The following NSMCE4A variants were observed in gnomAD, a reference collection of about 807,000 sequenced individuals.
NSMCE4A encodes the protein non-structural maintenance of chromosomes element 4 homolog A.
Under a neutral mutation model 47.9 loss-of-function variants are expected in NSMCE4A, and 40 were observed. The observed-to-expected ratio is 0.83, with a 90% CI of 0.65 to 1.09. The LOEUF (loss-of-function observed/expected upper bound fraction) is 1.09, where lower values mean the gene tolerates loss of function less well. Among genes scored for constraint, NSMCE4A ranks in the 50% least tolerant of loss-of-function variants. The pLI, the probability that NSMCE4A is intolerant of heterozygous loss-of-function variation, is 0.00. For synonymous variants in NSMCE4A, 166 were observed against 178.5 expected (o/e 0.93, Z 0.56); for missense variants, 500 against 507.0 (o/e 0.99, Z 0.13).
chr10:121,961,261 C>T (rs1952492242), intron 7 of NSMCE4A, among the ~76,000 whole-genome samples, 162 bp downstream of exon 7: 1 of 152,134 alleles, frequency 6.6e-6, no homozygotes, highest in African/African-American at 2.4e-5. Flanking sequence ...TTTTAGCTAG[C>T]TTCTTCTACC....
intron 3 of NSMCE4A, among the ~76,000 whole-genome samples, chr10:121,968,365 A>G (rs17102804): frequency 0.13 from 20,386 of 152,272 alleles, 1,580 homozygotes; most frequent in Middle Eastern, 0.18. Context: ...GTGTATTAGT[A>G]AAGCTGCACT....
At chr10:121,971,389 A>G (rs1952708290) in intron 2 of NSMCE4A, among the ~76,000 whole-genome samples, 1 of 152,188 alleles carries the variant, frequency 6.6e-6, no homozygotes, top group Non-Finnish European at 1.5e-5. Context: ...GGGCGCCTGT[A>G]GTCCCAGCTA....
rs1952466883 is a variant in NSMCE4A, at chr10:121,959,879, A to G, written c.989-284T>C. On this transcript the variant is annotated intron_variant, in intron 8 of 10. Coordinates refer to ENST00000369023, the MANE Select transcript of NSMCE4A (RefSeq NM_017615.3). ...TCAACCACAGAGCTAAGCCCTAGTGAGTCCAATAGGACATTGAGAACATTG... is the reference window on the plus strand; with the variant it reads ...TCAACCACAGAGCTAAGCCCTAGTGGGTCCAATAGGACATTGAGAACATTG... The G allele has an allele frequency of 1.3e-5, 6 of 452,156 alleles. No homozygotes were observed. In the East Asian group the frequency reaches 2.6e-4, roughly 19 times the overall value. The allele number at this position is 452,156 out of a possible 1,614,324, so 28.0% of individuals were successfully genotyped here. A position where few individuals can be genotyped will look rare whatever the true frequency, so the allele number is the denominator to read the frequency against.
rs1952484241 is a variant in NSMCE4A at position 121,960,848 on chromosome 10, A to G, written c.940-442T>C. Among the ~76,000 whole-genome samples the G allele has an allele frequency of 6.6e-6, 1 of 152,236 alleles. No homozygotes were observed. Among genetic ancestry groups the G allele is most frequent in the Non-Finnish European group, 1.5e-5 (1 of 68,040 alleles). On this transcript the variant is annotated intron_variant, in intron 7 of 10. Coordinates refer to ENST00000369023, the MANE Select transcript of NSMCE4A (RefSeq NM_017615.3). The surrounding 1 kb of genome is among the most constrained non-coding windows in gnomAD (Gnocchi z 4.2). ...TGGGAATGCAACCTGAAGTAAGATT[A>G]AAGATAGTCTAAAGCAAATTTCCAT... is the stretch of plus-strand genomic sequence containing the variant.
At position 121,960,070 on chromosome 10, in the gene NSMCE4A, A is replaced by G. The variant is rs1162722652; in HGVS notation, c.988+288T>C. On this transcript the variant is annotated intron_variant, in intron 8 of 10. Transcript: ENST00000369023. The surrounding 1 kb of genome is among the most constrained non-coding windows in gnomAD (Gnocchi z 4.2). ...TGACAAAACGTGATTAGAAAGAGGG[A>G]TACTACAAAAATGACTGCAATCACC... 1 of 310,416 alleles carries G rather than the reference A, an allele frequency of 3.2e-6. No homozygotes were observed. Among genetic ancestry groups the G allele is most frequent in the Non-Finnish European group, 5.8e-6 (1 of 172,848 alleles). The allele number at this position is 310,416 out of a possible 1,614,324, so 19.2% of individuals were successfully genotyped here. A position where few individuals can be genotyped will look rare whatever the true frequency, so the allele number is the denominator to read the frequency against.
chr10:121,968,087 G>T (rs7916885), intron 3 of NSMCE4A, among the ~76,000 whole-genome samples: 152,002 of 152,358 alleles, frequency 1, 75,823 homozygotes, highest in Middle Eastern at 1. Context: ...CTGGGTATAC[G>T]TGCCCACAGG....
At chr10:121,970,503 A>C in intron 3 of NSMCE4A, among the ~76,000 whole-genome samples, 1 of 151,410 alleles carries the variant, frequency 6.6e-6, no homozygotes, top group Non-Finnish European at 1.5e-5. Context: ...AAAAAAGCAA[A>C]ACCCAATCAT....
chr10:121,963,100 A>G (rs1301986926), intron 6 of NSMCE4A, 138 bp downstream of exon 6: 1 of 425,454 alleles, frequency 2.4e-6, no homozygotes, highest in African/African-American at 2.0e-5. Flanking sequence ...TGAAATTTCT[A>G]AAGGGGAGAA....
chr10:121,965,977 G>C (rs949036255), intron 4 of NSMCE4A: 4 of 152,198 alleles, frequency 2.6e-5, no homozygotes, highest in African/African-American at 9.7e-5. Context: ...CCCTTGAGGA[G>C]ACAAAAATAT....
At chr10:121,958,238 A>T (rs1037603889) in intron 10 of NSMCE4A, among the ~76,000 whole-genome samples, 4 of 152,108 alleles carry the variant, frequency 2.6e-5, no homozygotes, top group Non-Finnish European at 5.9e-5. Flanking sequence ...TCAAAAAAAA[A>T]GAGAAGTTGG....
intron 7 of NSMCE4A, among the ~76,000 whole-genome samples, 176 bp downstream of exon 7, chr10:121,961,246 TA>T (rs1952492067): frequency 6.6e-6 from 1 of 152,174 alleles, no homozygotes; most frequent in South Asian, 2.1e-4. Flanking sequence ...AGCAAGCATA[TA>T]AAATTTTAGC....
At chr10:121,959,282 A>C (rs1952455029) in intron 10 of NSMCE4A, 42 bp downstream of exon 10, 1 of 1,541,148 alleles carries the variant, frequency 6.5e-7, no homozygotes, top group African/African-American at 1.4e-5. Flanking sequence ...TTGCCAAATG[A>C]ACTTTAATAG....
chr10:121,965,408 T>C, intron 4 of NSMCE4A, 23 bp from the exon 5 acceptor site: 3 of 1,570,850 alleles, frequency 1.9e-6, no homozygotes, highest in Non-Finnish European at 2.6e-6. Flanking sequence ...ATGCTTTCAT[T>C]TATTTTTTTT....
intron 4 of NSMCE4A, chr10:121,966,325 T>C (rs1452115655): frequency 6.6e-6 from 1 of 152,090 alleles, no homozygotes; most frequent in East Asian, 1.9e-4. Flanking sequence ...TGAAAAGGAA[T>C]TGGAGGCCAA....
In NSMCE4A at chr10:121,974,099, A is replaced by G. The variant is rs1288110888; in HGVS notation, c.293-18T>C. ...ACGGTTTTCTATTTTTAAAAATACA[A>G]ACTTTGGGAAATTTGTTCAGCATTC... On this transcript the variant is annotated intron_variant, in intron 1 of 10. Coordinates refer to ENST00000369023, the MANE Select transcript of NSMCE4A (RefSeq NM_017615.3). The G allele has an allele frequency of 1.3e-6, 2 of 1,576,740 alleles. No homozygotes were observed. The highest frequency in any genetic ancestry group is 2.3e-5 in the South Asian group (2 of 87,168).
At chr10:121,961,311 CAT>C (rs1952493126) in intron 7 of NSMCE4A, 110 bp downstream of exon 7, 1 of 622,968 alleles carries the variant, frequency 1.6e-6, no homozygotes, top group Non-Finnish European at 2.7e-6. Flanking sequence ...GGGTCTGAAA[CAT>C]ATACTGGCTA....
chr10:121,960,339 C>T lies in NSMCE4A; in HGVS notation c.988+19G>A. ...ATATTTTCTCTAAAACTAATTTTTC[C>T]AAACATAGTATCATTTACCTATTAC... On this transcript the variant is annotated intron_variant, in intron 8 of 10. Coordinates refer to ENST00000369023, the MANE Select transcript of NSMCE4A (RefSeq NM_017615.3). This position sits in a 1 kb window ranked among gnomAD's most constrained non-coding sequence, Gnocchi z 4.2. 3 of 1,454,062 alleles carry T rather than the reference C, an allele frequency of 2.1e-6. No homozygotes were observed. Among genetic ancestry groups the T allele is most frequent in the South Asian group, 1.5e-5 (1 of 66,548 alleles). The allele number at this position is 1,454,062 out of a possible 1,614,324, so 90.1% of individuals were successfully genotyped here. A position where few individuals can be genotyped will look rare whatever the true frequency, so the allele number is the denominator to read the frequency against.
chr10:121,972,376 A>G (rs151203559), intron 2 of NSMCE4A, among the ~76,000 whole-genome samples: 2,207 of 152,264 alleles, frequency 0.014, 33 homozygotes, highest in Middle Eastern at 0.041. Context: ...CAACCCCCTC[A>G]GCCCCGCTGT....
chr10:121,965,804 G>C (rs1215763228), intron 4 of NSMCE4A: 1 of 160,696 alleles, frequency 6.2e-6, no homozygotes, highest in African/African-American at 2.4e-5. Context: ...CCCAGCCCAG[G>C]ACTACAGAAC....
Sources: gnomAD v4.1 joint callset for allele counts (sites outside exome capture counted in the v4.1 genomes callset) on GRCh38, gnomAD v4.1.1 for gene constraint, Gnocchi (gnomAD v3.1) non-coding constraint, MANE v1.5 for transcripts, NCBI Gene and HGNC (gene_info 2026-07-23, HGNC 2026-07-21) for gene names.